OPRM1: variants seen among roughly 807,000 people sequenced by gnomAD.
OPRM1 encodes opioid receptor mu 1, also known as mu-type opioid receptor.
OPRM1 carries 27 observed loss-of-function variants against 31.8 expected under a neutral mutation model. The observed-to-expected ratio is 0.85, with a 90% CI of 0.63 to 1.17. OPRM1 has a LOEUF of 1.17. OPRM1 is among the 50% of genes most tolerant of loss of function. The probability of loss-of-function intolerance (pLI) is 0.00; values close to 1 mark genes in which losing one functional copy is unlikely to be tolerated. For missense variants in OPRM1, 536 were observed against 511.1 expected (o/e 1.05, Z -0.47); for synonymous variants, 196 against 189.9 (o/e 1.03, Z -0.26).
At chr6:154,072,897 T>C (rs986235622) in intron 1 of OPRM1, among the ~76,000 whole-genome samples, 5 of 152,216 alleles carry the variant, frequency 3.3e-5, no homozygotes, top group Non-Finnish European at 5.9e-5. Context: ...TGCACACGGA[T>C]ACCAGCCCCT....
At chr6:154,162,003 T>C (rs1447662719) in intron 3 of OPRM1, among the ~76,000 whole-genome samples, 1 of 152,210 alleles carries the variant, frequency 6.6e-6, no homozygotes, top group Admixed American at 6.5e-5. Flanking sequence ...ATGGCCTTGC[T>C]ATCTCTTTGT....
intron 3 of OPRM1, among the ~76,000 whole-genome samples, chr6:154,181,943 G>A (rs1227470784): frequency 1.3e-5 from 2 of 152,172 alleles, no homozygotes; most frequent in East Asian, 1.9e-4. Context: ...AGATGAGAAC[G>A]TCAAGTTGGG....
At chr6:154,206,793 A>G (rs1297218283) in intron 3 of OPRM1, among the ~76,000 whole-genome samples, 2 of 152,218 alleles carry the variant, frequency 1.3e-5, no homozygotes, top group South Asian at 2.1e-4. Flanking sequence ...CAAGTGGAGA[A>G]ACTTTATACC....
rs1043474140 is a variant in OPRM1, at chr6:154,125,398, T to G, written c.*6677T>G. Among the ~76,000 whole-genome samples, 2 of 152,226 alleles carry G rather than the reference T, an allele frequency of 1.3e-5. No individual in the cohort carries two copies. The highest frequency in any genetic ancestry group is 2.9e-5 in the Non-Finnish European group (2 of 68,042). ...CTAAACCTCTGAAGCAATAAACCTC[T>G]TCCATTACACAGGTTTAGATTCAGA... On this transcript the variant is annotated 3_prime_UTR_variant, in exon 4 of 4. Coordinates refer to ENST00000330432, the MANE Select transcript of OPRM1 (RefSeq NM_000914.5).
intron 1 of OPRM1, among the ~76,000 whole-genome samples, chr6:154,063,225 C>G (rs1375420141): frequency 6.6e-6 from 1 of 151,896 alleles, no homozygotes; most frequent in Non-Finnish European, 1.5e-5. Flanking sequence ...ATAATAGATA[C>G]AATAATCACG....
chr6:154,237,640 G>A (rs568366584), intron 3 of OPRM1, among the ~76,000 whole-genome samples: 11 of 152,200 alleles, frequency 7.2e-5, no homozygotes, highest in African/African-American at 2.2e-4. Flanking sequence ...GAAAATAGAC[G>A]CATAGACATT....
chr6:154,139,876 G>C (rs1029877465), intron 3 of OPRM1, among the ~76,000 whole-genome samples: 1 of 152,060 alleles, frequency 6.6e-6, no homozygotes, highest in Non-Finnish European at 1.5e-5. Flanking sequence ...AAGATGACCA[G>C]AAAAAAGAAG....
Position 154,039,771 on chromosome 6 carries a change from T to C in OPRM1, c.227T>C (p.Leu76Pro), listed in dbSNP as rs765927548. 1.9e-6 allele frequency: 3 copies of C among 1,604,038 alleles called. No individual in the cohort carries two copies. The African/African-American group carries it at 4.0e-5, about 21-fold the overall frequency. ...ATCACGGCCATCACGATCATGGCCCTCTACTCCATCGTGTGCGTGGTGGGG... is the reference window on the plus strand; with the variant it reads ...ATCACGGCCATCACGATCATGGCCCCCTACTCCATCGTGTGCGTGGTGGGG... ...SMITAITIMA[L>P]YSIVCVVGLF... The change falls in exon 1 of 4, where the codon CTC (leucine) becomes CCC (proline). Residue 76 changes from leucine to proline, a missense_variant. Leu to Pro is a moderately conservative substitution (Grantham distance 98). Transcript: ENST00000330432.
intron 1 of OPRM1, among the ~76,000 whole-genome samples, chr6:154,013,792 A>C (rs1317327696): frequency 6.6e-6 from 1 of 152,132 alleles, no homozygotes; most frequent in Non-Finnish European, 1.5e-5. Flanking sequence ...CACCTCCAGC[A>C]TGTTAGTCTG....
At chr6:154,093,336 C>A in intron 3 of OPRM1, 3 of 1,613,970 alleles carry the variant, frequency 1.9e-6, no homozygotes, top group Non-Finnish European at 2.5e-6. Flanking sequence ...GTACCCTGGA[C>A]CACTGCAAGG....
chr6:154,182,779 G>A (rs571099506), intron 3 of OPRM1, among the ~76,000 whole-genome samples: 31 of 152,162 alleles, frequency 2.0e-4, no homozygotes, highest in African/African-American at 6.5e-4. Flanking sequence ...ACCATAACCC[G>A]CTGGATCCAT....
intron 3 of OPRM1, among the ~76,000 whole-genome samples, chr6:154,097,951 TG>T (rs1357333801): frequency 2.0e-5 from 3 of 152,186 alleles, no homozygotes; most frequent in East Asian, 3.9e-4. Context: ...GGCTGAGGGT[TG>T]GGTGCAGTGG....
chr6:154,095,942 A>G (rs1410041955), intron 3 of OPRM1, among the ~76,000 whole-genome samples: 1 of 152,196 alleles, frequency 6.6e-6, no homozygotes, highest in African/African-American at 2.4e-5. Context: ...CGATCACTTC[A>G]GGTTCAACTC....
chr6:154,140,088 C>T (rs1352503001), intron 3 of OPRM1, among the ~76,000 whole-genome samples: 2 of 152,128 alleles, frequency 1.3e-5, no homozygotes, highest in African/African-American at 4.8e-5. Context: ...CAAGCTATGA[C>T]TCAGTTTTCT....
intron 1 of OPRM1, among the ~76,000 whole-genome samples, chr6:154,079,661 A>G (rs1452571202): frequency 2.6e-5 from 4 of 152,248 alleles, no homozygotes; most frequent in Non-Finnish European, 5.9e-5. Flanking sequence ...GACAAATACC[A>G]CAAATATCAC....
chr6:154,022,513 A>G (rs931530303), intron 1 of OPRM1, among the ~76,000 whole-genome samples: 1 of 132,610 alleles, frequency 7.5e-6, no homozygotes, highest in Non-Finnish European at 1.5e-5. Context: ...TTGTCTCTTC[A>G]GTTTGTTGAT....
chr6:154,147,356 G>A (rs939842782), intron 3 of OPRM1, among the ~76,000 whole-genome samples: 2 of 152,184 alleles, frequency 1.3e-5, no homozygotes, highest in African/African-American at 2.4e-5. Context: ...TTAGGGTGAT[G>A]AACTACAGCT....
intron 3 of OPRM1, among the ~76,000 whole-genome samples, chr6:154,146,282 C>A (rs1346969357): frequency 6.6e-6 from 1 of 152,196 alleles, no homozygotes; most frequent in African/African-American, 2.4e-5. Flanking sequence ...CGCCTGTGAT[C>A]TCAGCTACTC....
rs2128529206 is a variant in OPRM1 at position 154,125,103 on chromosome 6, G to A, written c.*6382G>A. Among the ~76,000 whole-genome samples the A allele has an allele frequency of 6.6e-6, 1 of 152,236 alleles. No individual in the cohort carries two copies. Among genetic ancestry groups the A allele is most frequent in the African/African-American group, 2.4e-5 (1 of 41,542 alleles). ...CAATACAAAACTATACCAGTTTTTT[G>A]TTAGTGTAAAAATTGCCCAATATTA... is the stretch of plus-strand genomic sequence containing the variant. On this transcript the variant is annotated 3_prime_UTR_variant, in exon 4 of 4. Coordinates refer to ENST00000330432, the MANE Select transcript of OPRM1 (RefSeq NM_000914.5).
Sources: gnomAD v4.1 joint callset for allele counts (sites outside exome capture counted in the v4.1 genomes callset) on GRCh38, gnomAD v4.1.1 for gene constraint, MANE v1.5 for transcripts, NCBI Gene and HGNC (gene_info 2026-07-23, HGNC 2026-07-21) for gene names.